Variants in MAP3K2 observed in about 807,000 individuals in gnomAD.
The protein encoded by MAP3K2 is MAP/ERK kinase kinase 2.
Under a neutral mutation model 80.3 loss-of-function variants are expected in MAP3K2, and 24 were observed. The ratio of observed to expected loss-of-function variants is 0.30; its 90% confidence interval spans 0.22 to 0.42. The LOEUF (loss-of-function observed/expected upper bound fraction) is 0.42. MAP3K2 is among the 10% of genes least tolerant of loss of function. MAP3K2 has a pLI of 1.00. For missense variants in MAP3K2, 608 were observed against 750.1 expected, an observed-to-expected ratio of 0.81 and a Z score of 2.21; for synonymous variants, 244 against 253.7, an observed-to-expected ratio of 0.96 and a Z score of 0.36.
intron 13 of MAP3K2, 122 bp downstream of exon 13, chr2:127,318,047 G>A: frequency 1.7e-6 from 1 of 596,268 alleles, no homozygotes; most frequent in South Asian, 3.6e-5. Flanking sequence ...AAAGAAAACT[G>A]CTTTTTTTTT....
In MAP3K2 at chr2:127,324,170, T is replaced by C. The variant is rs1400585371; in HGVS notation, c.745+4A>G. 5.2e-6 allele frequency: 8 copies of C among 1,535,134 alleles called. No individual in the cohort carries two copies. The highest frequency in any genetic ancestry group is 2.1e-5 in the Admixed American group (1 of 47,684). On this transcript the variant is annotated splice_donor_region_variant and intron_variant, in intron 10 of 16. Coordinates refer to ENST00000682094, the MANE Select transcript of MAP3K2 (RefSeq NM_001371910.2). ...TTAAACATTTAGAATTTATAAAGTCTAACCTGAAAATTCCTGATGATTATC... is the reference window on the plus strand; with the variant it reads ...TTAAACATTTAGAATTTATAAAGTCCAACCTGAAAATTCCTGATGATTATC...
chr2:127,308,634 T>C lies in MAP3K2; in HGVS notation c.1585A>G (p.Ser529Gly), dbSNP rs1685754218. 1.2e-6 allele frequency: 2 copies of C among 1,613,194 alleles called. No individual in the cohort carries two copies. The highest frequency in any genetic ancestry group is 2.7e-5 in the African/African-American group (2 of 75,036). Residue 529 changes from serine (S) to glycine (G), a missense_variant, in exon 16 of 17, where the codon AGC (serine) becomes GGC (glycine). By Grantham distance (56) the Ser-to-Gly change is moderately conservative. Transcript: ENST00000682094. ...KSVTGTPYWM[S>G]PEVISGEGYG... ...CCTTCTCCACTGATGACTTCAGGGC[T>C]CATCCAGTATGGTGTGCCCGTGACA...
At chr2:127,338,694 T>C (rs1686420034) in intron 3 of MAP3K2, among the ~76,000 whole-genome samples, 1 of 152,204 alleles carries the variant, frequency 6.6e-6, no homozygotes, top group Non-Finnish European at 1.5e-5. Context: ...CAGAATTCCA[T>C]GGTGTATATG....
At chr2:127,343,369 T>C (rs1442010962) in intron 1 of MAP3K2, 175 bp from the exon 2 acceptor site, 4 of 458,422 alleles carry the variant, frequency 8.7e-6, no homozygotes, top group Non-Finnish European at 1.6e-5. Flanking sequence ...AGGCACCCCC[T>C]TGCCTAACAC....
rs929761162 is a variant in MAP3K2, at chr2:127,301,239, A to G, written c.*6340T>C. ...TGCTGAAATGCCCCTCAAGTCAAACATAAGTTCATAAATGTTAAGACACTA... is the reference window on the plus strand; with the variant it reads ...TGCTGAAATGCCCCTCAAGTCAAACGTAAGTTCATAAATGTTAAGACACTA... On this transcript the variant is annotated 3_prime_UTR_variant, in exon 17 of 17. Coordinates refer to ENST00000682094, the MANE Select transcript of MAP3K2 (RefSeq NM_001371910.2). The G allele has an allele frequency of 2.6e-5, 4 of 152,242 alleles. No homozygotes were observed. Among genetic ancestry groups the G allele is most frequent in the Admixed American group, 6.5e-5 (1 of 15,282 alleles). The allele number at this position is 152,242 out of a possible 1,614,324, so 9.4% of individuals were successfully genotyped here. A position where few individuals can be genotyped will look rare whatever the true frequency, so the allele number is the denominator to read the frequency against.
intron 14 of MAP3K2, among the ~76,000 whole-genome samples, chr2:127,316,184 G>C (rs1001061048): frequency 5.9e-5 from 9 of 152,262 alleles, no homozygotes; most frequent in African/African-American, 2.2e-4. Flanking sequence ...GACCAGCCTG[G>C]CCAACATGGT....
intron 2 of MAP3K2, 122 bp downstream of exon 2, chr2:127,343,004 A>C (rs1041567614): frequency 1.5e-6 from 1 of 679,626 alleles, no homozygotes; most frequent in African/African-American, 1.8e-5. Flanking sequence ...ACATTTCATA[A>C]ATCTGCTATA....
In MAP3K2 at chr2:127,304,743, C is replaced by T. The variant is rs1399557294; in HGVS notation, c.*2836G>A. 4 of 152,444 alleles carry T rather than the reference C, an allele frequency of 2.6e-5. No individual in the cohort carries two copies. Among genetic ancestry groups the T allele is most frequent in the African/African-American group, 9.7e-5 (4 of 41,402 alleles). The allele number at this position is 152,444 out of a possible 1,614,324, so 9.4% of individuals were successfully genotyped here. On this transcript the variant is annotated 3_prime_UTR_variant, in exon 17 of 17. Coordinates refer to ENST00000682094, the MANE Select transcript of MAP3K2 (RefSeq NM_001371910.2). Reference sequence around the variant, plus strand: ...TAACTTCCCCTGATAAAGCTGTTTCCTTTCAAAAATTTCTTTTTTAAATTT... The same window carrying T: ...TAACTTCCCCTGATAAAGCTGTTTCTTTTCAAAAATTTCTTTTTTAAATTT...
intron 15 of MAP3K2, 26 bp downstream of exon 15, chr2:127,314,728 A>G (rs1685868354): frequency 6.4e-7 from 1 of 1,559,204 alleles, no homozygotes; most frequent in African/African-American, 1.4e-5. Context: ...CTGTGTACTT[A>G]AAATAGAAAA....
At chr2:127,357,732 T>C (rs1372815444) in intron 1 of MAP3K2, among the ~76,000 whole-genome samples, 1 of 152,086 alleles carries the variant, frequency 6.6e-6, no homozygotes, top group African/African-American at 2.4e-5. Context: ...GGCTATTCAA[T>C]GGGGAAAGGA....
At chr2:127,353,685 G>A (rs527853594) in intron 1 of MAP3K2, among the ~76,000 whole-genome samples, 4 of 151,910 alleles carry the variant, frequency 2.6e-5, no homozygotes, top group South Asian at 4.2e-4. Context: ...CTGCCCGGCC[G>A]CCCCTACTGG....
At chr2:127,317,398 TG>T (rs1361882420) in intron 14 of MAP3K2, among the ~76,000 whole-genome samples, 1 of 152,214 alleles carries the variant, frequency 6.6e-6, no homozygotes, top group Non-Finnish European at 1.5e-5. Flanking sequence ...AATCTGAAGA[TG>T]GGCTGCTAAG....
intron 1 of MAP3K2, among the ~76,000 whole-genome samples, chr2:127,374,425 G>A (rs1394053533): frequency 1.3e-5 from 2 of 152,114 alleles, no homozygotes; most frequent in Admixed American, 1.3e-4. Context: ...GCCTGACCAA[G>A]CCACCCAATT....
chr2:127,387,767 G>C lies in MAP3K2; in HGVS notation c.-381C>G. 1.0e-6 allele frequency: 1 copy of C among 985,220 alleles called. No homozygotes were observed. Among genetic ancestry groups the C allele is most frequent in the Non-Finnish European group, 1.2e-6 (1 of 829,820 alleles). 61.0% of individuals were successfully genotyped at this position (985,220 alleles called of 1,614,324 possible). ...CCCGCGGGAACTGGGCAGGAAAGGAGGAAGCCGCGGGCCCGCGTCGCTAGA... is the reference window on the plus strand; with the variant it reads ...CCCGCGGGAACTGGGCAGGAAAGGACGAAGCCGCGGGCCCGCGTCGCTAGA... On this transcript the variant is annotated 5_prime_UTR_variant, in exon 1 of 17. Transcript: ENST00000682094.
In MAP3K2 at chr2:127,304,222, A is replaced by C. The variant is rs1036982142; in HGVS notation, c.*3357T>G. On this transcript the variant is annotated 3_prime_UTR_variant, in exon 17 of 17. Transcript: ENST00000682094. Reference sequence around the variant, plus strand: ...TTTTTAAGTTAGAAAGATGTTTTGTAAACAAGGAAAAGTGCTGAAAATTTT... The same window carrying C: ...TTTTTAAGTTAGAAAGATGTTTTGTCAACAAGGAAAAGTGCTGAAAATTTT... 1 of 152,146 alleles carries C rather than the reference A, an allele frequency of 6.6e-6. No individual in the cohort carries two copies. The highest frequency in any genetic ancestry group is 2.4e-5 in the African/African-American group (1 of 41,436). 9.4% of individuals were successfully genotyped at this position (152,146 alleles called of 1,614,324 possible). A position where few individuals can be genotyped will look rare whatever the true frequency, so the allele number is the denominator to read the frequency against.
chr2:127,337,899 G>A (rs1686403815), intron 3 of MAP3K2, 121 bp from the exon 4 acceptor site: 8 of 560,398 alleles, frequency 1.4e-5, no homozygotes, highest in South Asian at 5.5e-5. Context: ...TAGACCAGAC[G>A]AGGAGGGAAT....
intron 16 of MAP3K2, 107 bp downstream of exon 16, chr2:127,308,478 A>G: frequency 2.0e-6 from 2 of 1,005,530 alleles, no homozygotes; most frequent in African/African-American, 1.6e-5. Flanking sequence ...CTTACGTCCT[A>G]TTTTGGAAGT....
intron 1 of MAP3K2, among the ~76,000 whole-genome samples, chr2:127,361,499 A>G (rs1468825839): frequency 1.3e-5 from 2 of 152,124 alleles, no homozygotes; most frequent in East Asian, 3.8e-4. Context: ...GTAATCTCAA[A>G]TTGTTTGAAT....
In MAP3K2 at chr2:127,323,998, T is replaced by G. The variant is rs752621282; in HGVS notation, c.746-4A>C. 7.3e-7 allele frequency: 1 copy of G among 1,374,904 alleles called. No individual in the cohort carries two copies. Among genetic ancestry groups the G allele is most frequent in the East Asian group, 2.3e-5 (1 of 43,206 alleles). The allele number at this position is 1,374,904 out of a possible 1,614,324, so 85.2% of individuals were successfully genotyped here. On this transcript the variant is annotated splice_region_variant and splice_polypyrimidine_tract_variant and intron_variant, in intron 10 of 16. Transcript: ENST00000682094. ...TCAAAGATAGGGTTATCATAGTCTG[T>G]TAAGACATATAAGATGGTTATCTTT...
Sources: gnomAD v4.1 joint callset for allele counts (sites outside exome capture counted in the v4.1 genomes callset) on GRCh38, gnomAD v4.1.1 for gene constraint, MANE v1.5 for transcripts, NCBI Gene and HGNC (gene_info 2026-07-23, HGNC 2026-07-21) for gene names.